CMTM4: variants seen among roughly 807,000 people sequenced by gnomAD.
The protein encoded by CMTM4 is CKLF like MARVEL transmembrane domain containing 4.
A neutral mutation model predicts 19.0 loss-of-function variants in CMTM4; 8 were observed. The observed-to-expected ratio is 0.42, with a 90% CI of 0.25 to 0.76. The LOEUF is 0.76. CMTM4 is among the 30% of genes least tolerant of loss of function. CMTM4 has a pLI of 0.27. For missense variants in CMTM4, 228 were observed against 290.2 expected (o/e 0.79, Z 1.56); for synonymous variants, 106 against 121.1 (o/e 0.88, Z 0.82).
In CMTM4 at chr16:66,696,604, C is replaced by G; in HGVS notation, c.-79G>C. 1.9e-6 allele frequency: 1 copy of G among 521,720 alleles called. No homozygotes were observed. Among genetic ancestry groups the G allele is most frequent in the African/African-American group, 2.6e-5 (1 of 39,170 alleles). The allele number at this position is 521,720 out of a possible 1,614,324, so 32.3% of individuals were successfully genotyped here. On this transcript the variant is annotated 5_prime_UTR_variant, in exon 1 of 4. Transcript: ENST00000394106. This position sits in a 1 kb window ranked among gnomAD's most constrained non-coding sequence, Gnocchi z 4.3. ...GGCGGACTCAGCGGGGCCGCCGCAT[C>G]GCCGCCGCCGCCGCCGCCGCCGCCG...
At chr16:66,636,735 C>T (rs907946750) in intron 1 of CMTM4, among the ~76,000 whole-genome samples, 154 bp from the exon 2 acceptor site, 8 of 152,314 alleles carry the variant, frequency 5.3e-5, no homozygotes, top group Admixed American at 4.6e-4. Context: ...ATCAGACCTG[C>T]TTCAATTCTT....
chr16:66,628,411 C>T (rs2015787195), intron 2 of CMTM4, among the ~76,000 whole-genome samples: 1 of 152,216 alleles, frequency 6.6e-6, no homozygotes, highest in African/African-American at 2.4e-5. Flanking sequence ...CTTTCCAAGG[C>T]AGAGGTCCCT....
At chr16:66,650,478 G>A (rs1226969798) in intron 1 of CMTM4, among the ~76,000 whole-genome samples, 1 of 152,148 alleles carries the variant, frequency 6.6e-6, no homozygotes, top group Non-Finnish European at 1.5e-5. Flanking sequence ...TTCCCTTACA[G>A]AGGAGCAGCT....
At chr16:66,649,438 G>T (rs1053655723) in intron 1 of CMTM4, among the ~76,000 whole-genome samples, 8 of 144,884 alleles carry the variant, frequency 5.5e-5, no homozygotes, top group African/African-American at 1.9e-4. Flanking sequence ...TTTTGGTCTT[G>T]ATTCCTTCTC....
chr16:66,683,194 C>CATATATATATGTGTAT lies in CMTM4; in HGVS notation c.186+13145_186+13146insATACACATATATATAT, dbSNP rs2016968217. On this transcript the variant is annotated intron_variant, in intron 1 of 3. Coordinates refer to ENST00000394106, the MANE Select transcript of CMTM4 (RefSeq NM_181521.3). ...ATATATACATATGTATATATATATA[C>CATATATATATGTGTAT]ATATATATATATATATAAATTTTCC... Among the ~76,000 whole-genome samples, 50 of 107,672 alleles carry CATATATATATGTGTAT rather than the reference C, an allele frequency of 4.6e-4. 1 individual carries two copies. Among genetic ancestry groups the CATATATATATGTGTAT allele is most frequent in the African/African-American group, 1.9e-3 (48 of 25,080 alleles). The allele number at this position is 107,672 out of a possible 152,430, so 70.6% of individuals were successfully genotyped here.
At chr16:66,610,853 G>C (rs2015349923), downstream of CMTM4, 6 of 398,532 alleles carry the variant, frequency 1.5e-5, no homozygotes, top group African/African-American at 2.1e-5. This position sits in a 1 kb window ranked among gnomAD's most constrained non-coding sequence, Gnocchi z 4.6. Context: ...CTAACAGCCA[G>C]GTGCTGGGGC....
At position 66,618,656 on chromosome 16, in the gene CMTM4, T is replaced by C. The variant is rs1384274580; in HGVS notation, c.*3402A>G. 5.1e-6 allele frequency: 5 copies of C among 985,376 alleles called. No homozygotes were observed. Among genetic ancestry groups the C allele is most frequent in the Non-Finnish European group, 6.0e-6 (5 of 829,958 alleles). 61.0% of individuals were successfully genotyped at this position (985,376 alleles called of 1,614,324 possible). ...TCACGTACATGAGTGCACAAAGGTGTTGGAGCTTGGTCTCCTCAGGCTTAA... is the reference window on the plus strand; with the variant it reads ...TCACGTACATGAGTGCACAAAGGTGCTGGAGCTTGGTCTCCTCAGGCTTAA... On this transcript the variant is annotated 3_prime_UTR_variant, in exon 4 of 4. Coordinates refer to ENST00000394106, the MANE Select transcript of CMTM4 (RefSeq NM_181521.3).
chr16:66,624,169 G>A (rs557063577), intron 2 of CMTM4, among the ~76,000 whole-genome samples: 1 of 152,326 alleles, frequency 6.6e-6, no homozygotes, highest in South Asian at 2.1e-4. Context: ...TGTGCTTTAC[G>A]TGAGAATGTA....
chr16:66,606,999 C>T, the CMTM4 span, among the ~76,000 whole-genome samples: 4 of 152,094 alleles, frequency 2.6e-5, no homozygotes, highest in Non-Finnish European at 5.9e-5. Flanking sequence ...ATCTCTGGGG[C>T]GGAGGTAAGA....
intron 1 of CMTM4, among the ~76,000 whole-genome samples, chr16:66,663,131 C>T (rs920272150): frequency 4.6e-5 from 7 of 152,090 alleles, no homozygotes; most frequent in African/African-American, 9.7e-5. Flanking sequence ...TGATTGCTTT[C>T]GAAAACAAAA....
chr16:66,632,757 C>G (rs981521435), intron 2 of CMTM4, among the ~76,000 whole-genome samples: 3 of 152,024 alleles, frequency 2.0e-5, no homozygotes, highest in Non-Finnish European at 4.4e-5. Flanking sequence ...AGGGGTGGAA[C>G]ATGTGAGTGT....
chr16:66,685,183 G>A (rs2017009255), intron 1 of CMTM4, among the ~76,000 whole-genome samples: 1 of 152,100 alleles, frequency 6.6e-6, no homozygotes, highest in African/African-American at 2.4e-5. Context: ...GGCAGCACAG[G>A]AAATTGAGAC....
chr16:66,630,317 CCTCCCCCCTCCCTCTCCCT>C, intron 2 of CMTM4, among the ~76,000 whole-genome samples: 2 of 99,930 alleles, frequency 2.0e-5, no homozygotes, highest in African/African-American at 7.6e-5. Context: ...TCACCCTCCC[CCTCCCCCCTCCCTCTCCCT>C]CTCCCCACAG....
Position 66,618,515 on chromosome 16 carries a change from A to G in CMTM4, c.*3543T>C. ...TAGACCTCAGTCCACCTCTCAGAGC[A>G]CATGGATAGGTGACGGGTTTCTCAT... On this transcript the variant is annotated 3_prime_UTR_variant, in exon 4 of 4. Coordinates refer to ENST00000394106, the MANE Select transcript of CMTM4 (RefSeq NM_181521.3). 1.0e-6 allele frequency: 1 copy of G among 985,522 alleles called. No homozygotes were observed. Among genetic ancestry groups the G allele is most frequent in the Non-Finnish European group, 1.2e-6 (1 of 829,988 alleles). The allele number at this position is 985,522 out of a possible 1,614,324, so 61.0% of individuals were successfully genotyped here.
intron 2 of CMTM4, among the ~76,000 whole-genome samples, chr16:66,630,358 C>T (rs2015829256): frequency 7.4e-6 from 1 of 135,670 alleles, no homozygotes; most frequent in African/African-American, 2.7e-5. Flanking sequence ...CTCCCTCTCC[C>T]TCTCTTTCCA....
chr16:66,689,504 T>C (rs2017098201), intron 1 of CMTM4, among the ~76,000 whole-genome samples: 1 of 152,174 alleles, frequency 6.6e-6, no homozygotes, highest in African/African-American at 2.4e-5. Context: ...CTTGACCTCC[T>C]GGGCTCAAGC....
intron 3 of CMTM4, 80 bp downstream of exon 3, chr16:66,623,321 GAGC>G: frequency 2.1e-6 from 2 of 946,948 alleles, no homozygotes; most frequent in South Asian, 1.6e-5. Context: ...ACAGGAGGGG[GAGC>G]AGGACACATG....
intron 1 of CMTM4, among the ~76,000 whole-genome samples, chr16:66,655,359 G>T (rs997320914): frequency 6.6e-6 from 1 of 152,076 alleles, no homozygotes; most frequent in African/African-American, 2.4e-5. Context: ...CAAGTACCCA[G>T]ATTGAGGTCT....
At chr16:66,610,891 G>A (rs1409865457), downstream of CMTM4, 5 of 398,506 alleles carry the variant, frequency 1.3e-5, no homozygotes, top group African/African-American at 8.2e-5. The surrounding 1 kb of genome is among the most constrained non-coding windows in gnomAD (Gnocchi z 4.6). Flanking sequence ...CCCAGAAACC[G>A]TCCTTCTGCT....
Sources: allele counts gnomAD v4.1 joint callset (sites outside exome capture counted in the v4.1 genomes callset), GRCh38; gene constraint gnomAD v4.1.1; non-coding constraint Gnocchi (gnomAD v3.1); transcripts MANE v1.5; gene names NCBI Gene and HGNC (gene_info 2026-07-23, HGNC 2026-07-21).